The following KBTBD3 variants were observed in gnomAD, a reference collection of about 807,000 sequenced individuals.
The protein encoded by KBTBD3 is kelch repeat and BTB domain-containing protein 3.
A neutral mutation model predicts 49.6 loss-of-function variants in KBTBD3; 38 were observed. The observed-to-expected ratio is 0.77, with a 90% CI of 0.59 to 1.00. KBTBD3 has a LOEUF of 1.00. KBTBD3 is among the 50% of genes least tolerant of loss of function. KBTBD3 has a pLI of 0.00. For missense variants in KBTBD3, 661 were observed against 712.0 expected (o/e 0.93, Z 0.81); for synonymous variants, 214 against 250.4 (o/e 0.85, Z 1.37).
rs188150462 is a variant in KBTBD3, at chr11:106,057,714, G to A, written c.233+1151C>T. On this transcript the variant is annotated intron_variant, in intron 3 of 3. Transcript: ENST00000531837. The stretch of plus-strand genomic sequence containing the variant: ...GTTGCTTAGAATTAGAACAAGCTGA[G>A]AGCTTTCAAGAAATGCCTTATAGCT... The A allele has an allele frequency of 1.7e-4, 37 of 218,264 alleles. No homozygotes were observed. The East Asian group carries it at 3.4e-3, about 20-fold the overall frequency. The allele number at this position is 218,264 out of a possible 1,614,324, so 13.5% of individuals were successfully genotyped here. A position where few individuals can be genotyped will look rare whatever the true frequency, so the allele number is the denominator to read the frequency against.
At position 106,053,258 on chromosome 11, in the gene KBTBD3, A is replaced by T. The variant is rs1279857768; in HGVS notation, c.1431T>A (p.Phe477Leu). Residue 477 changes from phenylalanine (F) to leucine (L), a missense_variant, in exon 4 of 4, where the codon TTT becomes TTA. Transcript: ENST00000531837. ...DAFNPSLDCFFKYNATTDQWS... is the reference protein window; with the variant it reads ...DAFNPSLDCFLKYNATTDQWS... ...ACTGATCAGTTGTAGCATTGTATTT[A>T]AAAAAGCAATCAAGTGATGGGTTAA... 1.2e-6 allele frequency: 2 copies of T among 1,613,574 alleles called. No individual in the cohort carries two copies. Among genetic ancestry groups the T allele is most frequent in the South Asian group, 1.1e-5 (1 of 91,082 alleles).
intron 2 of KBTBD3, among the ~76,000 whole-genome samples, chr11:106,066,085 C>A (rs555424893): frequency 6.6e-6 from 1 of 151,890 alleles, no homozygotes; most frequent in East Asian, 1.9e-4. Flanking sequence ...AAACAAAGGG[C>A]ATATATGGAG....
chr11:106,071,933 C>A (rs1218168357), intron 2 of KBTBD3, among the ~76,000 whole-genome samples: 1 of 152,120 alleles, frequency 6.6e-6, no homozygotes. Flanking sequence ...TTAAACAATT[C>A]TCAATTCTTG....
chr11:106,067,314 T>C (rs1860828485), intron 2 of KBTBD3, among the ~76,000 whole-genome samples: 2 of 152,082 alleles, frequency 1.3e-5, no homozygotes, highest in African/African-American at 4.8e-5. Context: ...CACTAAAACA[T>C]CTATGCAGGC....
At chr11:106,063,895 C>T (rs1156498666) in intron 2 of KBTBD3, among the ~76,000 whole-genome samples, 2 of 152,160 alleles carry the variant, frequency 1.3e-5, no homozygotes, top group African/African-American at 4.8e-5. Context: ...CCTAACACTG[C>T]ACTCCAGCCT....
chr11:106,075,189 A>T (rs1861003986), intron 2 of KBTBD3, among the ~76,000 whole-genome samples: 1 of 152,324 alleles, frequency 6.6e-6, no homozygotes, highest in Middle Eastern at 3.4e-3. Context: ...AGACTGAGTG[A>T]GCCCCTATTA....
At chr11:106,070,669 A>G (rs999285109) in intron 2 of KBTBD3, among the ~76,000 whole-genome samples, 3 of 152,122 alleles carry the variant, frequency 2.0e-5, no homozygotes, top group African/African-American at 7.2e-5. Flanking sequence ...AGTTTCTTAA[A>G]AAAACTAAAC....
intron 2 of KBTBD3, among the ~76,000 whole-genome samples, chr11:106,064,350 A>G (rs1341527819): frequency 6.6e-6 from 1 of 152,030 alleles, no homozygotes; most frequent in Non-Finnish European, 1.5e-5. Context: ...GTTCAAGACT[A>G]GCCTGGCCAA....
At chr11:106,065,293 A>G (rs1860787157) in intron 2 of KBTBD3, among the ~76,000 whole-genome samples, 1 of 152,180 alleles carries the variant, frequency 6.6e-6, no homozygotes, top group African/African-American at 2.4e-5. Flanking sequence ...GGCGTGAGCC[A>G]CCGCGCCCGG....
At position 106,059,094 on chromosome 11, in the gene KBTBD3, C is replaced by T; in HGVS notation, c.4G>A (p.Glu2Lys). The change falls in exon 3 of 4, where the codon GAA (glutamate) becomes AAA (lysine). Residue 2 changes from glutamate (E) to lysine (K), a missense_variant. By Grantham distance (56) the Glu-to-Lys change is moderately conservative. Coordinates refer to ENST00000531837, the MANE Select transcript of KBTBD3 (RefSeq NM_198439.3). MELAMDNSYAFN... is the reference protein window; with the variant it reads MKLAMDNSYAFN... ...GCATATGAATTATCCATAGCCAATTCCATATGTCCTTAGAACTAGAATAAA... is the reference window on the plus strand; with the variant it reads ...GCATATGAATTATCCATAGCCAATTTCATATGTCCTTAGAACTAGAATAAA... 1 of 1,534,304 alleles carries T rather than the reference C, an allele frequency of 6.5e-7. No homozygotes were observed. The highest frequency in any genetic ancestry group is 1.3e-5 in the South Asian group (1 of 78,332).
intron 2 of KBTBD3, among the ~76,000 whole-genome samples, chr11:106,068,092 A>G (rs1860844130): frequency 6.6e-6 from 1 of 152,050 alleles, no homozygotes; most frequent in African/African-American, 2.4e-5. Context: ...TAGAGCTGTA[A>G]AATATGTGAA....
In KBTBD3 at chr11:106,052,799, T is replaced by G. The variant is rs1255815953; in HGVS notation, c.*51A>C. On this transcript the variant is annotated 3_prime_UTR_variant, in exon 4 of 4. Coordinates refer to ENST00000531837, the MANE Select transcript of KBTBD3 (RefSeq NM_198439.3). ...GTATAGATCTTTTTACCTATCATTT[T>G]GGTTAACAAATTTACTTTAGGTTAC... is the stretch of plus-strand genomic sequence containing the variant. The G allele has an allele frequency of 3.5e-6, 5 of 1,422,814 alleles. No individual in the cohort carries two copies. The highest frequency in any genetic ancestry group is 4.8e-6 in the Non-Finnish European group (5 of 1,041,056). 88.1% of individuals were successfully genotyped at this position (1,422,814 alleles called of 1,614,324 possible). A position where few individuals can be genotyped will look rare whatever the true frequency, so the allele number is the denominator to read the frequency against.
intron 3 of KBTBD3, among the ~76,000 whole-genome samples, chr11:106,055,277 G>A (rs571346092): frequency 6.6e-6 from 1 of 152,232 alleles, no homozygotes; most frequent in South Asian, 2.1e-4. Context: ...GTATGGGCAT[G>A]GAACAAAATG....
Position 106,051,417 on chromosome 11 carries a change from G to C in KBTBD3, c.*1433C>G, listed in dbSNP as rs1860416373. On this transcript the variant is annotated 3_prime_UTR_variant, in exon 4 of 4. Transcript: ENST00000531837. ...CCATTCTGTTTTGAAAAATACATTT[G>C]GAACTTATCGTTGCATAAATTTATA... 6.6e-6 allele frequency: 1 copy of C among 151,752 alleles called. No individual in the cohort carries two copies. Among genetic ancestry groups the C allele is most frequent in the Admixed American group, 6.6e-5 (1 of 15,198 alleles). 9.4% of individuals were successfully genotyped at this position (151,752 alleles called of 1,614,324 possible).
At chr11:106,071,116 A>G (rs182484771) in intron 2 of KBTBD3, among the ~76,000 whole-genome samples, 2 of 152,288 alleles carry the variant, frequency 1.3e-5, no homozygotes, top group East Asian at 3.9e-4. Flanking sequence ...AGATCAATCA[A>G]TTCAGAAACT....
rs957432128 is a variant in KBTBD3, at chr11:106,059,217, T to A, written c.-12-108A>T. ...ACACAAAAATAACCACTAAGAAAAA[T>A]AATAAGACAGTAAAACTTGTTTTAA... On this transcript the variant is annotated intron_variant, in intron 2 of 3. Coordinates refer to ENST00000531837, the MANE Select transcript of KBTBD3 (RefSeq NM_198439.3). The A allele has an allele frequency of 8.4e-6, 5 of 594,626 alleles. No homozygotes were observed. The Admixed American group carries it at 1.6e-4, about 19-fold the overall frequency. The allele number at this position is 594,626 out of a possible 1,614,324, so 36.8% of individuals were successfully genotyped here.
At chr11:106,076,994 G>A (rs940800097) in intron 1 of KBTBD3, among the ~76,000 whole-genome samples, 1 of 152,198 alleles carries the variant, frequency 6.6e-6, no homozygotes, top group Non-Finnish European at 1.5e-5. Context: ...GCGCACTGGG[G>A]ATAGTGCCTC....
At chr11:106,064,903 A>G (rs1450595722) in intron 2 of KBTBD3, among the ~76,000 whole-genome samples, 1 of 152,248 alleles carries the variant, frequency 6.6e-6, no homozygotes, top group Non-Finnish European at 1.5e-5. Context: ...ATATGTATTT[A>G]AATCCCTCTA....
At chr11:106,061,071 C>T (rs1478889895) in intron 2 of KBTBD3, among the ~76,000 whole-genome samples, 1 of 152,184 alleles carries the variant, frequency 6.6e-6, no homozygotes, top group Non-Finnish European at 1.5e-5. Context: ...ATCTCATCCT[C>T]ACTGATCATT....
Sources: allele counts gnomAD v4.1 joint callset (sites outside exome capture counted in the v4.1 genomes callset), GRCh38; gene constraint gnomAD v4.1.1; transcripts MANE v1.5; gene names NCBI Gene and HGNC (gene_info 2026-07-23, HGNC 2026-07-21).